The following AUH variants were observed in gnomAD, a reference collection of about 807,000 sequenced individuals.
AUH encodes AU RNA binding methylglutaconyl-CoA hydratase, also known as methylglutaconyl-CoA hydratase, mitochondrial.
AUH carries 29 observed loss-of-function variants against 42.3 expected under a neutral mutation model. The observed-to-expected ratio is 0.69, with a 90% CI of 0.51 to 0.93. The LOEUF (loss-of-function observed/expected upper bound fraction) is 0.93. Among genes scored for constraint, AUH ranks in the 40% least tolerant of loss-of-function variants. AUH has a pLI of 0.00. For missense variants in AUH, 452 were observed against 438.1 expected (o/e 1.03, Z -0.28); for synonymous variants, 174 against 166.4 (o/e 1.05, Z -0.35).
At chr9:91,285,470 T>C (rs1462441671) in intron 6 of AUH, among the ~76,000 whole-genome samples, 1 of 151,434 alleles carries the variant, frequency 6.6e-6, no homozygotes, top group Non-Finnish European at 1.5e-5. Context: ...AAAAAAAAAA[T>C]CTTGGTGATG....
In AUH at chr9:91,331,762, A is replaced by G. The variant is rs190106880; in HGVS notation, c.419-6358T>C. 2.6e-5 allele frequency among the ~76,000 whole-genome samples: 4 copies of G among 152,356 alleles called. No individual in the cohort carries two copies. The East Asian group carries it at 7.7e-4, about 29-fold the overall frequency. ...TAGTATGTATTAAATTTCTATACTTATATTTGCAGTAAACTACTCCAATGA... is the reference window on the plus strand; with the variant it reads ...TAGTATGTATTAAATTTCTATACTTGTATTTGCAGTAAACTACTCCAATGA... On this transcript the variant is annotated intron_variant, in intron 3 of 9. Coordinates refer to ENST00000375731, the MANE Select transcript of AUH (RefSeq NM_001698.3).
chr9:91,219,009 A>G, intron 7 of AUH: 1 of 985,440 alleles, frequency 1.0e-6, no homozygotes, highest in Non-Finnish European at 1.2e-6. Context: ...TGTCCTTCCA[A>G]TGAAAGGTGA....
At chr9:91,340,925 C>T (rs1254460169) in intron 3 of AUH, among the ~76,000 whole-genome samples, 1 of 152,206 alleles carries the variant, frequency 6.6e-6, no homozygotes, top group Admixed American at 6.5e-5. Context: ...TTAAGAGGCA[C>T]ACAAAGCCTA....
chr9:91,287,436 G>T (rs1358131635), intron 6 of AUH, among the ~76,000 whole-genome samples: 1 of 152,152 alleles, frequency 6.6e-6, no homozygotes, highest in Admixed American at 6.6e-5. Flanking sequence ...TGTGAGAAAA[G>T]TGACAGCATT....
intron 3 of AUH, among the ~76,000 whole-genome samples, chr9:91,353,098 T>G (rs961978300): frequency 3.3e-5 from 5 of 152,146 alleles, no homozygotes; most frequent in Non-Finnish European, 7.4e-5. Flanking sequence ...AGGTTTCTTT[T>G]TTTTTTGAGC....
rs1446673465 is a variant in AUH at position 91,357,541 on chromosome 9, T to A, written c.263-1386A>T. On this transcript the variant is annotated intron_variant, in intron 1 of 9. Transcript: ENST00000375731. Reference sequence around the variant, plus strand: ...AGGAGGGAAATACAAACATTAATAATCATAGAAATCATTAATAATCATAAA... The same window carrying A: ...AGGAGGGAAATACAAACATTAATAAACATAGAAATCATTAATAATCATAAA... 4 of 930,130 alleles carry A rather than the reference T, an allele frequency of 4.3e-6. No individual in the cohort carries two copies. The African/African-American group carries it at 7.1e-5, about 17-fold the overall frequency. 57.6% of individuals were successfully genotyped at this position (930,130 alleles called of 1,614,324 possible). A position where few individuals can be genotyped will look rare whatever the true frequency, so the allele number is the denominator to read the frequency against.
chr9:91,330,601 T>C (rs879764563), intron 3 of AUH, among the ~76,000 whole-genome samples: 3 of 152,136 alleles, frequency 2.0e-5, no homozygotes, highest in Non-Finnish European at 2.9e-5. Flanking sequence ...CAACAAAAAA[T>C]GCATGATGTG....
chr9:91,254,426 C>T (rs1413285700), intron 6 of AUH, among the ~76,000 whole-genome samples: 1 of 152,094 alleles, frequency 6.6e-6, no homozygotes, highest in Non-Finnish European at 1.5e-5. Flanking sequence ...GTGTTCAATG[C>T]CAGGATGAGC....
In AUH at chr9:91,225,496, T is replaced by C. The variant is rs901804068; in HGVS notation, c.656-4504A>G. ...TAGATTAGATGATATAATCTGCTAG[T>C]TCCCTTAGGCATCTGAATTCAGGAT... is the stretch of plus-strand genomic sequence containing the variant. On this transcript the variant is annotated intron_variant, in intron 6 of 9. Coordinates refer to ENST00000375731, the MANE Select transcript of AUH (RefSeq NM_001698.3). Among the ~76,000 whole-genome samples, 19 of 152,320 alleles carry C rather than the reference T, an allele frequency of 1.2e-4. No homozygotes were observed. The East Asian group carries it at 3.7e-3, about 29-fold the overall frequency.
intron 6 of AUH, among the ~76,000 whole-genome samples, chr9:91,249,735 G>C (rs189567957): frequency 2.6e-5 from 4 of 151,964 alleles, no homozygotes; most frequent in Non-Finnish European, 5.9e-5. Flanking sequence ...GTTCTGGCCG[G>C]GTGCAGTGGC....
At chr9:91,298,919 T>C (rs1020142443) in intron 4 of AUH, among the ~76,000 whole-genome samples, 8 of 152,134 alleles carry the variant, frequency 5.3e-5, no homozygotes, top group Admixed American at 2.0e-4. Context: ...AGAAAGTGGA[T>C]TTTAAAAAGG....
At chr9:91,268,990 T>C (rs1343744896) in intron 6 of AUH, among the ~76,000 whole-genome samples, 1 of 151,932 alleles carries the variant, frequency 6.6e-6, no homozygotes. Flanking sequence ...ACACTTTCTT[T>C]TTTTTTTTGA....
At chr9:91,240,318 G>A (rs1359763794) in intron 6 of AUH, among the ~76,000 whole-genome samples, 1 of 152,196 alleles carries the variant, frequency 6.6e-6, no homozygotes, top group Admixed American at 6.5e-5. Flanking sequence ...TTGAGGCTGT[G>A]AACTCAGATG....
In AUH at chr9:91,361,877, C is replaced by T; in HGVS notation, c.13G>A (p.Val5Met). MAAA[V>M]AAAPGALGSL... ...CCCAAGGCCCCAGGTGCCGCCGCCA[C>T]CGCGGCCGCCATGTTGTCTGTTTAC... The change falls in exon 1 of 10, where the codon GTG becomes ATG. Residue 5 changes from valine to methionine, a missense_variant. Transcript: ENST00000375731. The T allele has an allele frequency of 6.8e-7, 1 of 1,466,114 alleles. No homozygotes were observed. The highest frequency in any genetic ancestry group is 9.0e-7 in the Non-Finnish European group (1 of 1,115,242). The allele number at this position is 1,466,114 out of a possible 1,614,324, so 90.8% of individuals were successfully genotyped here.
intron 3 of AUH, among the ~76,000 whole-genome samples, chr9:91,333,514 AAT>A (rs1202336563): frequency 1.3e-5 from 2 of 152,330 alleles, no homozygotes; most frequent in African/African-American, 4.8e-5. Flanking sequence ...TTAAATACTA[AAT>A]ATAAACTTTT....
intron 4 of AUH, among the ~76,000 whole-genome samples, chr9:91,313,006 G>C (rs968406037): frequency 7.9e-5 from 12 of 152,084 alleles, no homozygotes; most frequent in African/African-American, 2.9e-4. Flanking sequence ...AAGTAAGGTA[G>C]AAACAAGAAA....
chr9:91,355,825 T>C (rs887055950), intron 3 of AUH, 58 bp downstream of exon 3: 1 of 1,456,130 alleles, frequency 6.9e-7, no homozygotes, highest in African/African-American at 1.4e-5. Context: ...GAAAACAGAT[T>C]ACTATTGAGG....
At chr9:91,237,224 A>G (rs1236763996) in intron 6 of AUH, among the ~76,000 whole-genome samples, 2 of 152,232 alleles carry the variant, frequency 1.3e-5, no homozygotes, top group Non-Finnish European at 2.9e-5. Context: ...TATCAAATGA[A>G]AAGTCTGGTG....
chr9:91,311,900 G>A (rs1033603726), intron 4 of AUH, among the ~76,000 whole-genome samples: 3 of 151,936 alleles, frequency 2.0e-5, no homozygotes, highest in African/African-American at 7.3e-5. Context: ...TTCTAATCCA[G>A]GCAACCTAAA....
Sources: allele counts gnomAD v4.1 joint callset (sites outside exome capture counted in the v4.1 genomes callset), GRCh38; gene constraint gnomAD v4.1.1; transcripts MANE v1.5; gene names NCBI Gene and HGNC (gene_info 2026-07-23, HGNC 2026-07-21).